INSR: variants seen among roughly 807,000 people sequenced by gnomAD.
INSR encodes insulin receptor, also known as IR.
A neutral mutation model predicts 142.6 loss-of-function variants in INSR; 67 were observed. The ratio of observed to expected loss-of-function variants is 0.47; its 90% confidence interval spans 0.39 to 0.58. The LOEUF is 0.58. Among genes scored for constraint, INSR ranks in the 20% least tolerant of loss-of-function variants. The pLI, the probability that INSR is intolerant of heterozygous loss-of-function variation, is 0.00. For missense variants in INSR, 1,248 were observed against 1,833.2 expected (o/e 0.68, Z 5.83); for synonymous variants, 756 against 743.1 (o/e 1.02, Z -0.28).
chr19:7,207,131 C>T (rs577629097), intron 2 of INSR, among the ~76,000 whole-genome samples: 8 of 152,140 alleles, frequency 5.3e-5, no homozygotes, highest in African/African-American at 1.2e-4. Flanking sequence ...GAATGAGACC[C>T]GTGGCCAGGC....
chr19:7,167,831 G>C (rs1973922304), intron 7 of INSR, 137 bp downstream of exon 7: 1 of 1,064,898 alleles, frequency 9.4e-7, no homozygotes, highest in African/African-American at 1.6e-5. Flanking sequence ...ATTGTAAAAA[G>C]GAACCTAAGA....
chr19:7,173,503 G>A (rs1250110834), intron 4 of INSR, among the ~76,000 whole-genome samples: 3 of 150,930 alleles, frequency 2.0e-5, no homozygotes, highest in Non-Finnish European at 4.4e-5. Context: ...ATTTTTAGGA[G>A]AGACAAGGTT....
intron 2 of INSR, among the ~76,000 whole-genome samples, chr19:7,185,319 C>T (rs1974397853): frequency 6.6e-6 from 1 of 152,218 alleles, no homozygotes; most frequent in Non-Finnish European, 1.5e-5. Flanking sequence ...CATGCTGCTG[C>T]ACCCCACATG....
chr19:7,294,048 C>T lies in INSR; in HGVS notation c.-157G>A. On this transcript the variant is annotated 5_prime_UTR_variant, in exon 1 of 22. Transcript: ENST00000302850. ...CCGCAGCCCCCCTGCCGGGGAGGGC[C>T]CAGAGGCAGCCCCGGGAAGGGCGCG... 1 of 763,048 alleles carries T rather than the reference C, an allele frequency of 1.3e-6. No homozygotes were observed. The highest frequency in any genetic ancestry group is 1.7e-6 in the Non-Finnish European group (1 of 600,352). The allele number at this position is 763,048 out of a possible 1,614,324, so 47.3% of individuals were successfully genotyped here.
At chr19:7,204,710 CG>C (rs10706876) in intron 2 of INSR, among the ~76,000 whole-genome samples, 89,871 of 151,900 alleles carry the variant, frequency 0.59, 27,362 homozygotes, top group African/African-American at 0.76. Context: ...GGCACCTATG[CG>C]GGGAAAATGC....
At chr19:7,232,061 G>T (rs1024555062) in intron 2 of INSR, among the ~76,000 whole-genome samples, 2 of 152,062 alleles carry the variant, frequency 1.3e-5, no homozygotes, top group South Asian at 2.1e-4. Context: ...AGTAATCATT[G>T]TAACACCTCA....
chr19:7,126,582 A>G lies in INSR; in HGVS notation c.3013+2T>C. On this transcript the variant is annotated splice_donor_variant, in intron 16 of 21. Transcript: ENST00000302850. LOFTEE classifies it high-confidence loss of function. ...CACCCACAGGGAAGGGATGGTACTC[A>G]CCATCACTGGCACTGAGATACTCAG... 6.4e-7 allele frequency: 1 copy of G among 1,556,972 alleles called. No homozygotes were observed. The highest frequency in any genetic ancestry group is 8.7e-7 in the Non-Finnish European group (1 of 1,149,058).
At chr19:7,263,122 A>G (rs1258077954) in intron 2 of INSR, among the ~76,000 whole-genome samples, 1 of 152,078 alleles carries the variant, frequency 6.6e-6, no homozygotes, top group Non-Finnish European at 1.5e-5. Context: ...TCCTGAAAAT[A>G]CAAAACTTAG....
At position 7,116,965 on chromosome 19, in the gene INSR, A is replaced by G; in HGVS notation, c.*91T>C. ...CTCTGAACTCCATTGGACATGGTAGAGTCGTGAGAATCCTGAGTTTTCCAG... is the reference window on the plus strand; with the variant it reads ...CTCTGAACTCCATTGGACATGGTAGGGTCGTGAGAATCCTGAGTTTTCCAG... On this transcript the variant is annotated 3_prime_UTR_variant, in exon 22 of 22. Coordinates refer to ENST00000302850, the MANE Select transcript of INSR (RefSeq NM_000208.4). The G allele has an allele frequency of 1.1e-6, 1 of 946,744 alleles. No homozygotes were observed. Among genetic ancestry groups the G allele is most frequent in the Non-Finnish European group, 1.8e-6 (1 of 571,320 alleles). 58.6% of individuals were successfully genotyped at this position (946,744 alleles called of 1,614,324 possible).
chr19:7,127,183 C>G (rs1355113706), intron 15 of INSR, among the ~76,000 whole-genome samples: 2 of 152,156 alleles, frequency 1.3e-5, no homozygotes, highest in Non-Finnish European at 2.9e-5. Context: ...CAGATATGCA[C>G]GACCATGCAG....
rs1352234588 is a variant in INSR at position 7,116,773 on chromosome 19, GA to G, written c.*282del. ...TCCATCTGCTGGGGGCGGGTGGGGG[GA>G]ACGAAAAAACACAAAATCCTGGTTT... On this transcript the variant is annotated 3_prime_UTR_variant, in exon 22 of 22. Transcript: ENST00000302850. The G allele has an allele frequency of 1.5e-5, 5 of 332,426 alleles. No individual in the cohort carries two copies. Among genetic ancestry groups the G allele is most frequent in the South Asian group, 1.0e-4 (1 of 10,038 alleles). The allele number at this position is 332,426 out of a possible 1,614,324, so 20.6% of individuals were successfully genotyped here. A position where few individuals can be genotyped will look rare whatever the true frequency, so the allele number is the denominator to read the frequency against.
chr19:7,262,126 CCT>C (rs1428505329), intron 2 of INSR, among the ~76,000 whole-genome samples: 1 of 152,160 alleles, frequency 6.6e-6, no homozygotes, highest in Admixed American at 6.6e-5. Context: ...AGGGGAGTAT[CCT>C]CTGAAGGCTC....
chr19:7,216,838 A>T lies in INSR; in HGVS notation c.653-32201T>A, dbSNP rs1197025761. Among the ~76,000 whole-genome samples the T allele has an allele frequency of 1.3e-5, 2 of 151,986 alleles. No homozygotes were observed. Among genetic ancestry groups the T allele is most frequent in the Non-Finnish European group, 2.9e-5 (2 of 68,006 alleles). ...ATTTATTATTTTCTCCTGCATCGGG[A>T]TCTTACTCTGTTGCCTAGGCTGGAG... On this transcript the variant is annotated intron_variant, in intron 2 of 21. Transcript: ENST00000302850. This position sits in a 1 kb window ranked among gnomAD's most constrained non-coding sequence, Gnocchi z 4.2.
rs747050792 is a variant in INSR at position 7,170,592 on chromosome 19, C to T, written c.1428G>A (p.Lys476=). The change falls in exon 6 of 22, where the codon AAG becomes AAA. Residue 476 remains lysine, a synonymous_variant. Transcript: ENST00000302850. ...IHKMEEVSGT[K]GRQERNDIAL... Reference sequence around the variant, plus strand: ...CAATGTCGTTTCTCTCCTGGCGCCCCTTGGTTCCTGAAACTTCTTCCATCT... The same window carrying T: ...CAATGTCGTTTCTCTCCTGGCGCCCTTTGGTTCCTGAAACTTCTTCCATCT... The T allele has an allele frequency of 5.6e-6, 9 of 1,613,592 alleles. No homozygotes were observed. The highest frequency in any genetic ancestry group is 1.7e-4 in the Middle Eastern group (1 of 6,012).
chr19:7,289,100 C>T (rs1968422355), intron 1 of INSR, among the ~76,000 whole-genome samples: 1 of 152,050 alleles, frequency 6.6e-6, no homozygotes, highest in Non-Finnish European at 1.5e-5. Context: ...GGAGACACAG[C>T]CTTCCAGGAG....
chr19:7,260,755 C>T (rs1191449816), intron 2 of INSR, among the ~76,000 whole-genome samples: 1 of 152,024 alleles, frequency 6.6e-6, no homozygotes, highest in Non-Finnish European at 1.5e-5. Context: ...CACACCACCA[C>T]CCTAAGAAGC....
At chr19:7,261,263 T>C (rs1977054845) in intron 2 of INSR, among the ~76,000 whole-genome samples, 1 of 152,136 alleles carries the variant, frequency 6.6e-6, no homozygotes, top group African/African-American at 2.4e-5. Context: ...AACATCTGCA[T>C]TTGCCACTAG....
In INSR at chr19:7,197,515, G is replaced by GA. The variant is rs774219991; in HGVS notation, c.653-12879_653-12878insT. On this transcript the variant is annotated intron_variant, in intron 2 of 21. Transcript: ENST00000302850. ...TTGGCAGGTTCCAGAGTGGGAGTGG[G>GA]GGTGTGTGTGTGTGTGTGTGTGTGT... Among the ~76,000 whole-genome samples, 19 of 57,468 alleles carry GA rather than the reference G, an allele frequency of 3.3e-4. 1 individual carries two copies. The highest frequency in any genetic ancestry group is 1.1e-3 in the African/African-American group (14 of 12,860). The allele number at this position is 57,468 out of a possible 152,430, so 37.7% of individuals were successfully genotyped here.
intron 2 of INSR, among the ~76,000 whole-genome samples, chr19:7,208,286 G>T (rs59447204): frequency 0.36 from 54,999 of 151,744 alleles, 10,556 homozygotes; most frequent in East Asian, 0.44. Context: ...GGTGTTTCTT[G>T]GTTCTCACAT....
Sources: allele counts gnomAD v4.1 joint callset (sites outside exome capture counted in the v4.1 genomes callset), GRCh38; gene constraint gnomAD v4.1.1; non-coding constraint Gnocchi (gnomAD v3.1); transcripts MANE v1.5; gene names NCBI Gene and HGNC (gene_info 2026-07-23, HGNC 2026-07-21).